FHIT: variants seen among roughly 807,000 people sequenced by gnomAD.
FHIT encodes fragile histidine triad diadenosine triphosphatase.
Under a neutral mutation model 17.9 loss-of-function variants are expected in FHIT, and 19 were observed. The ratio of observed to expected loss-of-function variants is 1.06; its 90% CI spans 0.74 to 1.56. The LOEUF is 1.56. Among genes scored for constraint, FHIT ranks in the 40% most tolerant of loss-of-function variants. The probability of loss-of-function intolerance (pLI) is 0.00; values close to 1 mark genes in which losing one functional copy is unlikely to be tolerated. For missense variants in FHIT, 248 were observed against 189.2 expected, an observed-to-expected ratio of 1.31 and a Z score of -1.82; for synonymous variants, 81 against 69.7, an observed-to-expected ratio of 1.16 and a Z score of -0.81.
At position 59,861,077 on chromosome 3, in the gene FHIT, C is replaced by G. The variant is rs75255037; in HGVS notation, c.348+61269G>C. On this transcript the variant is annotated intron_variant, in intron 8 of 9. Transcript: ENST00000492590. The stretch of plus-strand genomic sequence containing the variant: ...AGCAGAAACTTGAAACAGAGCTTGA[C>G]TGGCTGGCAGGATGAGAAGAATGGA... 4.2e-3 allele frequency among the ~76,000 whole-genome samples: 638 copies of G among 152,168 alleles called. 6 individuals carry two copies. Among genetic ancestry groups the G allele is most frequent in the African/African-American group, 0.015 (614 of 41,512 alleles).
chr3:60,405,841 A>G (rs1429935479), intron 5 of FHIT, among the ~76,000 whole-genome samples: 1 of 152,212 alleles, frequency 6.6e-6, no homozygotes, highest in Non-Finnish European at 1.5e-5. Context: ...GCTATGCTTG[A>G]GAAACCCTCA....
At chr3:60,188,094 T>A (rs1235454512) in intron 5 of FHIT, among the ~76,000 whole-genome samples, 3 of 151,546 alleles carry the variant, frequency 2.0e-5, no homozygotes, top group African/African-American at 7.3e-5. Flanking sequence ...TGATATGACT[T>A]GGACCATCTA....
intron 7 of FHIT, among the ~76,000 whole-genome samples, chr3:59,959,683 G>C (rs1015456282): frequency 7.2e-5 from 11 of 152,190 alleles, no homozygotes; most frequent in African/African-American, 2.2e-4. Flanking sequence ...GAGCAAAACA[G>C]ATAAAGCCCC....
chr3:60,554,026 G>T (rs1481994682), intron 4 of FHIT, among the ~76,000 whole-genome samples: 1 of 152,136 alleles, frequency 6.6e-6, no homozygotes, highest in Non-Finnish European at 1.5e-5. Flanking sequence ...GGCAGAGGTT[G>T]CAGTGAGCCA....
intron 5 of FHIT, among the ~76,000 whole-genome samples, chr3:60,452,599 T>C (rs746306679): frequency 1.3e-5 from 2 of 152,202 alleles, no homozygotes; most frequent in African/African-American, 4.8e-5. Flanking sequence ...TGAATGTCAA[T>C]GGATAATTCT....
chr3:61,202,898 A>G (rs755459364), intron 1 of FHIT, among the ~76,000 whole-genome samples: 1 of 152,096 alleles, frequency 6.6e-6, no homozygotes, highest in Non-Finnish European at 1.5e-5. Context: ...CTAAAAATAC[A>G]GGCCGGGCGC....
intron 4 of FHIT, among the ~76,000 whole-genome samples, chr3:60,614,396 G>A (rs1474151855): frequency 1.3e-5 from 2 of 152,134 alleles, no homozygotes; most frequent in African/African-American, 4.8e-5. Flanking sequence ...CTGAGGTCAG[G>A]AGTTTGAGAC....
At chr3:59,888,704 T>C (rs1192922976) in intron 8 of FHIT, among the ~76,000 whole-genome samples, 2 of 152,224 alleles carry the variant, frequency 1.3e-5, no homozygotes, top group Non-Finnish European at 2.9e-5. Flanking sequence ...ACCAGTGATA[T>C]GGCTTGTCCA....
intron 5 of FHIT, among the ~76,000 whole-genome samples, chr3:60,263,221 A>G (rs973608580): frequency 3.3e-5 from 5 of 152,020 alleles, no homozygotes; most frequent in African/African-American, 1.2e-4. Flanking sequence ...GATTGGCAGC[A>G]ATTAAGAACT....
At chr3:60,004,111 G>T (rs1425723474) in intron 7 of FHIT, among the ~76,000 whole-genome samples, 1 of 152,018 alleles carries the variant, frequency 6.6e-6, no homozygotes, top group Non-Finnish European at 1.5e-5. Context: ...ATCAACAAAG[G>T]TAAGACTCTG....
chr3:60,470,058 T>TTCCCTCTCTCTCTCTCTC (rs2033007800), intron 5 of FHIT, among the ~76,000 whole-genome samples: 1 of 142,942 alleles, frequency 7.0e-6, no homozygotes, highest in African/African-American at 2.7e-5. Context: ...CTCTCTTTCT[T>TTCCCTCTCTCTCTCTCTC]TCTCTCTCTC....
chr3:60,010,900 C>G (rs1489135267), intron 7 of FHIT, among the ~76,000 whole-genome samples: 1 of 151,718 alleles, frequency 6.6e-6, no homozygotes, highest in Admixed American at 6.6e-5. Flanking sequence ...GAGAGAAGCA[C>G]AGGAGAACAG....
intron 5 of FHIT, among the ~76,000 whole-genome samples, chr3:60,465,538 C>A (rs917908859): frequency 6.6e-6 from 1 of 152,060 alleles, no homozygotes; most frequent in Admixed American, 6.6e-5. Context: ...ATATTTAAGT[C>A]TTTAATCCAT....
chr3:60,424,118 A>G (rs1357557684), intron 5 of FHIT, among the ~76,000 whole-genome samples: 2 of 152,116 alleles, frequency 1.3e-5, no homozygotes, highest in East Asian at 1.9e-4. Context: ...TATCCCTACA[A>G]TGGTGATTAC....
rs77632034 is a variant in FHIT at position 60,136,208 on chromosome 3, C to G, written c.104-122056G>C. On this transcript the variant is annotated intron_variant, in intron 5 of 9. Coordinates refer to ENST00000492590, the MANE Select transcript of FHIT (RefSeq NM_002012.4). Reference sequence around the variant, plus strand: ...CAAGCACACCTCCACTGGCACAACACAAGGAGAGGAGAAGAGGGAGGCATC... The same window carrying G: ...CAAGCACACCTCCACTGGCACAACAGAAGGAGAGGAGAAGAGGGAGGCATC... Among the ~76,000 whole-genome samples the G allele has an allele frequency of 4.3e-4, 65 of 152,218 alleles. No homozygotes were observed. In the East Asian group the frequency reaches 8.9e-3, roughly 21 times the overall value.
At chr3:61,191,472 A>G (rs2038714574) in intron 2 of FHIT, among the ~76,000 whole-genome samples, 2 of 152,128 alleles carry the variant, frequency 1.3e-5, no homozygotes, top group South Asian at 4.2e-4. Flanking sequence ...CACATCATGG[A>G]ACTTCTCAGC....
intron 5 of FHIT, among the ~76,000 whole-genome samples, chr3:60,473,933 A>AAG (rs2033216755): frequency 6.6e-6 from 1 of 150,524 alleles, no homozygotes; most frequent in Admixed American, 6.7e-5. Context: ...CAAAAAAAAA[A>AAG]GAAAAAAAGA....
chr3:60,503,262 A>G (rs916653376), intron 5 of FHIT, among the ~76,000 whole-genome samples: 7 of 152,246 alleles, frequency 4.6e-5, no homozygotes, highest in African/African-American at 1.7e-4. Context: ...AAATTAGCAT[A>G]TATTAGGAAA....
At chr3:60,468,633 A>G (rs1385483723) in intron 5 of FHIT, among the ~76,000 whole-genome samples, 1 of 151,816 alleles carries the variant, frequency 6.6e-6, no homozygotes, top group African/African-American at 2.4e-5. Context: ...ATATCATACT[A>G]TCTATGTCTT....
Sources: allele counts gnomAD v4.1 joint callset (sites outside exome capture counted in the v4.1 genomes callset), GRCh38; gene constraint gnomAD v4.1.1; transcripts MANE v1.5; gene names NCBI Gene and HGNC (gene_info 2026-07-23, HGNC 2026-07-21).